The following EXT1 variants were observed in gnomAD, a reference collection of about 807,000 sequenced individuals.
EXT1 encodes the protein exostosin glycosyltransferase 1.
A neutral mutation model predicts 82.5 loss-of-function variants in EXT1; 20 were observed. The ratio of observed to expected loss-of-function variants is 0.24; its 90% CI spans 0.17 to 0.35. The LOEUF (loss-of-function observed/expected upper bound fraction) is 0.35, where lower values mean the gene tolerates loss of function less well. Ranked by LOEUF, EXT1 falls within the 10% of genes least tolerant of loss-of-function variation. The pLI is 1.00. For synonymous variants in EXT1, 348 were observed against 350.8 expected, an observed-to-expected ratio of 0.99 and a Z score of 0.09; for missense variants, 757 against 936.5, an observed-to-expected ratio of 0.81 and a Z score of 2.50.
chr8:118,012,337 G>A (rs1369347575), intron 1 of EXT1, among the ~76,000 whole-genome samples: 2 of 152,212 alleles, frequency 1.3e-5, no homozygotes, highest in Non-Finnish European at 2.9e-5. Context: ...TCCCGAAGAA[G>A]CCACTGCGGC....
chr8:118,005,921 A>C (rs1815766014), intron 1 of EXT1, among the ~76,000 whole-genome samples: 2 of 152,272 alleles, frequency 1.3e-5, no homozygotes, highest in African/African-American at 4.8e-5. Context: ...AGAAGTGTCC[A>C]TCAAAGCAGC....
At chr8:118,004,392 T>C (rs1815733322) in intron 1 of EXT1, among the ~76,000 whole-genome samples, 1 of 152,216 alleles carries the variant, frequency 6.6e-6, no homozygotes, top group Non-Finnish European at 1.5e-5. Context: ...TCAATGAATA[T>C]TTTGGAGCTA....
intron 1 of EXT1, among the ~76,000 whole-genome samples, chr8:118,047,517 C>T (rs927758775): frequency 6.6e-6 from 1 of 152,078 alleles, no homozygotes; most frequent in Non-Finnish European, 1.5e-5. Flanking sequence ...ACAATACTTG[C>T]CTCCCAAGCT....
At chr8:118,092,997 C>T (rs1227144223) in intron 1 of EXT1, among the ~76,000 whole-genome samples, 1 of 152,138 alleles carries the variant, frequency 6.6e-6, no homozygotes, top group African/African-American at 2.4e-5. Context: ...CTTTCACAGA[C>T]ATGTCCCAAA....
intron 1 of EXT1, among the ~76,000 whole-genome samples, chr8:117,939,786 A>G (rs1482614114): frequency 6.6e-6 from 1 of 152,108 alleles, no homozygotes; most frequent in Non-Finnish European, 1.5e-5. Context: ...TTGTGCATAC[A>G]TCTGTCTCAA....
At chr8:117,926,320 T>C (rs763764001) in intron 1 of EXT1, among the ~76,000 whole-genome samples, 2 of 152,224 alleles carry the variant, frequency 1.3e-5, no homozygotes, top group Non-Finnish European at 2.9e-5. Context: ...AAGCTGACCA[T>C]TGCTTTACAG....
intron 1 of EXT1, among the ~76,000 whole-genome samples, chr8:118,002,381 CA>C (rs772109456): frequency 2.7e-3 from 163 of 61,022 alleles, no homozygotes; most frequent in African/African-American, 6.6e-3. Flanking sequence ...ACTCCGTCTC[CA>C]AAAAAAAAAA....
intron 10 of EXT1, among the ~76,000 whole-genome samples, chr8:117,801,771 G>C (rs1341654825): frequency 6.6e-6 from 1 of 152,168 alleles, no homozygotes; most frequent in African/African-American, 2.4e-5. Context: ...CTCCCAAAAT[G>C]CTGGGATTAT....
At chr8:117,983,310 C>T (rs1815245934) in intron 1 of EXT1, among the ~76,000 whole-genome samples, 1 of 152,020 alleles carries the variant, frequency 6.6e-6, no homozygotes, top group Non-Finnish European at 1.5e-5. Context: ...GTGGTGAGAT[C>T]CTGCCTTTAT....
At chr8:118,031,677 A>G (rs889179640) in intron 1 of EXT1, among the ~76,000 whole-genome samples, 2 of 152,082 alleles carry the variant, frequency 1.3e-5, no homozygotes, top group African/African-American at 4.8e-5. Context: ...CCCCTTGAAG[A>G]CACACATCTC....
intron 7 of EXT1, among the ~76,000 whole-genome samples, chr8:117,814,041 A>AAGAAGGAGGAGAAGGAGG (rs949996272): frequency 6.6e-6 from 1 of 151,516 alleles, no homozygotes; most frequent in African/African-American, 2.4e-5. Flanking sequence ...AAGAAGAAAG[A>AAGAAGGAGGAGAAGGAGG]AGAAGGAGGA....
At chr8:117,810,834 C>T (rs548399964) in intron 8 of EXT1, among the ~76,000 whole-genome samples, 2 of 152,226 alleles carry the variant, frequency 1.3e-5, no homozygotes, top group East Asian at 1.9e-4. Flanking sequence ...TGGGAGTCAC[C>T]GGCAGGAAAA....
intron 1 of EXT1, among the ~76,000 whole-genome samples, chr8:118,072,149 A>AC (rs1240031368): frequency 6.6e-6 from 1 of 152,162 alleles, no homozygotes; most frequent in Non-Finnish European, 1.5e-5. Context: ...AGAAAAGCAT[A>AC]CCTATCTCAG....
At chr8:118,096,672 A>AGGG (rs1817622457) in intron 1 of EXT1, among the ~76,000 whole-genome samples, 1 of 90,546 alleles carries the variant, frequency 1.1e-5, no homozygotes, top group East Asian at 3.0e-4. Context: ...GGAAGGAAGG[A>AGGG]AGGGAGGGAG....
chr8:118,100,701 G>C (rs1175349782), intron 1 of EXT1, among the ~76,000 whole-genome samples: 1 of 151,786 alleles, frequency 6.6e-6, no homozygotes, highest in Non-Finnish European at 1.5e-5. Flanking sequence ...AGCTGAGATC[G>C]CGCCACTGCA....
intron 1 of EXT1, among the ~76,000 whole-genome samples, chr8:118,032,987 T>C (rs951933214): frequency 3.3e-5 from 5 of 152,140 alleles, no homozygotes; most frequent in Admixed American, 6.5e-5. Context: ...CAGTTTACAG[T>C]GTATGACAAC....
chr8:118,100,220 A>G (rs1016956272), intron 1 of EXT1, among the ~76,000 whole-genome samples: 29 of 152,174 alleles, frequency 1.9e-4, no homozygotes, highest in African/African-American at 6.5e-4. Flanking sequence ...AGCAGGAACA[A>G]AGGAGCCTGG....
intron 1 of EXT1, among the ~76,000 whole-genome samples, chr8:117,863,198 C>G (rs1202819861): frequency 2.1e-5 from 3 of 145,200 alleles, no homozygotes; most frequent in Non-Finnish European, 4.6e-5. Flanking sequence ...AAGGCAAGTA[C>G]TATTAGTATC....
At chr8:117,863,629 A>G (rs941213859) in intron 1 of EXT1, among the ~76,000 whole-genome samples, 2 of 152,060 alleles carry the variant, frequency 1.3e-5, no homozygotes, top group African/African-American at 2.4e-5. Context: ...GGTTCTGTAC[A>G]TGGACTCCCC....
Sources: gnomAD v4.1 joint callset for allele counts (sites outside exome capture counted in the v4.1 genomes callset) on GRCh38, gnomAD v4.1.1 for gene constraint, MANE v1.5 for transcripts, NCBI Gene and HGNC (gene_info 2026-07-23, HGNC 2026-07-21) for gene names.